The following CD79B variants were observed in gnomAD, a reference collection of about 807,000 sequenced individuals.
CD79B encodes CD79b molecule, also known as B-cell antigen receptor complex-associated protein beta chain.
Under a neutral mutation model 30.0 loss-of-function variants are expected in CD79B, and 7 were observed. The observed-to-expected ratio is 0.23, with a 90% CI of 0.13 to 0.44. The LOEUF (loss-of-function observed/expected upper bound fraction) is 0.44, where lower values mean the gene tolerates loss of function less well. Ranked by LOEUF, CD79B falls within the 20% of genes least tolerant of loss-of-function variation. The pLI is 1.00. For missense variants in CD79B, 218 were observed against 299.1 expected (o/e 0.73, Z 2.00); for synonymous variants, 118 against 119.2 (o/e 0.99, Z 0.07).
Position 63,929,089 on chromosome 17 carries a change from C to G in CD79B, c.*137G>C, listed in dbSNP as rs188072437. 7.1e-6 allele frequency: 5 copies of G among 701,570 alleles called. No individual in the cohort carries two copies. In the Admixed American group the frequency reaches 1.0e-4, roughly 14 times the overall value. The allele number at this position is 701,570 out of a possible 1,614,324, so 43.5% of individuals were successfully genotyped here. A position where few individuals can be genotyped will look rare whatever the true frequency, so the allele number is the denominator to read the frequency against. On this transcript the variant is annotated 3_prime_UTR_variant, in exon 6 of 6. Transcript: ENST00000006750. ...AGAGCTGGGGACCAGGGGCTGGAGA[C>G]AAATGGCAGCTCTGGTGGGCCAGCT...
chr17:63,931,464 T>C (rs1451992732), intron 1 of CD79B, 79 bp from the exon 2 acceptor site: 2 of 1,385,024 alleles, frequency 1.4e-6, no homozygotes, highest in African/African-American at 1.4e-5. Flanking sequence ...ATGCCCTCTA[T>C]GTTCCCGGAG....
intron 2 of CD79B, chr17:63,931,003 C>A (rs1908089331): frequency 2.9e-5 from 12 of 419,636 alleles, no homozygotes; most frequent in South Asian, 2.4e-4. Flanking sequence ...AGTGACCCTG[C>A]ACTGGAGGGC....
At position 63,930,063 on chromosome 17, in the gene CD79B, C is replaced by G; in HGVS notation, c.430+11G>C. ...ACAGCTACAGGAGCGTCCCAGCCAC[C>G]TGGCACACACCCATGACTCGCAGCT... On this transcript the variant is annotated intron_variant, in intron 3 of 5. Coordinates refer to ENST00000006750, the MANE Select transcript of CD79B (RefSeq NM_000626.4). 6.2e-7 allele frequency: 1 copy of G among 1,613,376 alleles called. No homozygotes were observed. Among genetic ancestry groups the G allele is most frequent in the Non-Finnish European group, 8.5e-7 (1 of 1,179,700 alleles).
At position 63,930,379 on chromosome 17, in the gene CD79B, G is replaced by C; in HGVS notation, c.125C>G (p.Ala42Gly). 1.2e-6 allele frequency: 2 copies of C among 1,613,534 alleles called. No individual in the cohort carries two copies. Among genetic ancestry groups the C allele is most frequent in the Non-Finnish European group, 1.7e-6 (2 of 1,179,914 alleles). The change falls in exon 3 of 6, where the codon GCT becomes GGT. Residue 42 changes from alanine to glycine, a missense_variant. Ala to Gly is a moderately conservative substitution (Grantham distance 60). Coordinates refer to ENST00000006750, the MANE Select transcript of CD79B (RefSeq NM_000626.4). ...TGGGCTCTGCCAGATCCGCGAACAAGCACTACCTGTGGGTGCCAAGGCCAG... is the reference window on the plus strand; with the variant it reads ...TGGGCTCTGCCAGATCCGCGAACAACCACTACCTGTGGGTGCCAAGGCCAG... ...EDRYRNPKGS[A>G]CSRIWQSPRF...
At chr17:63,931,415 A>G in intron 1 of CD79B, 30 bp from the exon 2 acceptor site, 2 of 1,612,366 alleles carry the variant, frequency 1.2e-6, no homozygotes, top group Non-Finnish European at 1.7e-6. Flanking sequence ...GGGCGGGGCC[A>G]GTCAGGGCCT....
intron 2 of CD79B, 49 bp from the exon 3 acceptor site, chr17:63,930,434 G>A (rs754840462): frequency 1.8e-5 from 28 of 1,544,020 alleles, no homozygotes; most frequent in Non-Finnish European, 2.4e-5. Context: ...ATCTTCCTGA[G>A]TGCCAGCCCC....
At position 63,928,937 on chromosome 17, in the gene CD79B, C is replaced by T. The variant is rs768220935; in HGVS notation, c.*289G>A. 47 of 512,322 alleles carry T rather than the reference C, an allele frequency of 9.2e-5. No individual in the cohort carries two copies. The highest frequency in any genetic ancestry group is 1.5e-4 in the Non-Finnish European group (41 of 279,306). The allele number at this position is 512,322 out of a possible 1,614,324, so 31.7% of individuals were successfully genotyped here. A position where few individuals can be genotyped will look rare whatever the true frequency, so the allele number is the denominator to read the frequency against. ...TTTGCGGGCTCTGGACCAGTCTCTGCCTCCCCCATCCCATGTGTGGGGACG... is the reference window on the plus strand; with the variant it reads ...TTTGCGGGCTCTGGACCAGTCTCTGTCTCCCCCATCCCATGTGTGGGGACG... On this transcript the variant is annotated 3_prime_UTR_variant, in exon 6 of 6. Coordinates refer to ENST00000006750, the MANE Select transcript of CD79B (RefSeq NM_000626.4).
chr17:63,930,708 C>G (rs1908072221), intron 2 of CD79B, among the ~76,000 whole-genome samples: 1 of 152,222 alleles, frequency 6.6e-6, no homozygotes. Flanking sequence ...AGGCCACACC[C>G]CCAGGACCTG....
rs143511067 is a variant in CD79B at position 63,929,458 on chromosome 17, G to A, written c.567C>T (p.Gly189=). 1.2e-6 allele frequency: 2 copies of A among 1,613,882 alleles called. No homozygotes were observed. Among genetic ancestry groups the A allele is most frequent in the Non-Finnish European group, 1.7e-6 (2 of 1,180,004 alleles). Residue 189 remains glycine, a synonymous_variant, in exon 5 of 6, where the codon GGC becomes GGT. Coordinates refer to ENST00000006750, the MANE Select transcript of CD79B (RefSeq NM_000626.4). ...LLLDKDDSKA[G]MEEDHTYEGL... ...CCTCGTAGGTGTGATCTTCCTCCAT[G>A]CCAGCCTTGCTGTCATCCTGGGGGC...
intron 2 of CD79B, 110 bp downstream of exon 2, chr17:63,931,225 G>T: frequency 1.9e-6 from 2 of 1,062,442 alleles, no homozygotes; most frequent in Non-Finnish European, 2.9e-6. Flanking sequence ...TGGATGGGGA[G>T]ATCAGGCAAG....
Position 63,928,939 on chromosome 17 carries a change from TC to T in CD79B, c.*286del. 1 of 514,590 alleles carries T rather than the reference TC, an allele frequency of 1.9e-6. No individual in the cohort carries two copies. The highest frequency in any genetic ancestry group is 3.6e-6 in the Non-Finnish European group (1 of 280,900). 31.9% of individuals were successfully genotyped at this position (514,590 alleles called of 1,614,324 possible). A position where few individuals can be genotyped will look rare whatever the true frequency, so the allele number is the denominator to read the frequency against. On this transcript the variant is annotated 3_prime_UTR_variant, in exon 6 of 6. Coordinates refer to ENST00000006750, the MANE Select transcript of CD79B (RefSeq NM_000626.4). ...TGCGGGCTCTGGACCAGTCTCTGCC[TC>T]CCCCATCCCATGTGTGGGGACGGAT...
chr17:63,928,864 C>T lies in CD79B; in HGVS notation c.*362G>A. The T allele has an allele frequency of 2.3e-6, 1 of 430,376 alleles. No homozygotes were observed. Among genetic ancestry groups the T allele is most frequent in the East Asian group, 4.1e-5 (1 of 24,650 alleles). The allele number at this position is 430,376 out of a possible 1,614,324, so 26.7% of individuals were successfully genotyped here. A position where few individuals can be genotyped will look rare whatever the true frequency, so the allele number is the denominator to read the frequency against. ...TGGCTCTTCTGGGGCCCAGTTGGGT[C>T]CATGGCCCTTCCCAAGCTCTGCTGG... is the stretch of plus-strand genomic sequence containing the variant. On this transcript the variant is annotated 3_prime_UTR_variant, in exon 6 of 6. Coordinates refer to ENST00000006750, the MANE Select transcript of CD79B (RefSeq NM_000626.4).
In CD79B at chr17:63,930,155, T is replaced by C. The variant is rs763688795; in HGVS notation, c.349A>G (p.Asn117Asp). Residue 117 changes from asparagine to aspartate, a missense_variant, in exon 3 of 6, where the codon AAT becomes GAT. By Grantham distance (23) the Asn-to-Asp change is conservative. Coordinates refer to ENST00000006750, the MANE Select transcript of CD79B (RefSeq NM_000626.4). Reference protein sequence around the residue: ...LTIQGIRFEDNGIYFCQQKCN... With the variant: ...LTIQGIRFEDDGIYFCQQKCN... ...TTCTGCTGACAGAAGTAGATGCCATTGTCCTCAAACCGGATGCCTTGGATG... is the reference window on the plus strand; with the variant it reads ...TTCTGCTGACAGAAGTAGATGCCATCGTCCTCAAACCGGATGCCTTGGATG... The C allele has an allele frequency of 6.2e-7, 1 of 1,614,176 alleles. No homozygotes were observed. Among genetic ancestry groups the C allele is most frequent in the Non-Finnish European group, 8.5e-7 (1 of 1,180,010 alleles).
chr17:63,930,475 A>T lies in CD79B; in HGVS notation c.119-90T>A, dbSNP rs1254870996. On this transcript the variant is annotated intron_variant, in intron 2 of 5. Coordinates refer to ENST00000006750, the MANE Select transcript of CD79B (RefSeq NM_000626.4). Reference sequence around the variant, plus strand: ...CAGGCCCCTGCCCTGGCTGGCACAGACTCCCTGGGCTTAGTCCTTGCTTCT... The same window carrying T: ...CAGGCCCCTGCCCTGGCTGGCACAGTCTCCCTGGGCTTAGTCCTTGCTTCT... 3 of 1,199,388 alleles carry T rather than the reference A, an allele frequency of 2.5e-6. No individual in the cohort carries two copies. The East Asian group carries it at 7.5e-5, about 30-fold the overall frequency. 74.3% of individuals were successfully genotyped at this position (1,199,388 alleles called of 1,614,324 possible).
At position 63,929,454 on chromosome 17, in the gene CD79B, C is replaced by G. The variant is rs749917008; in HGVS notation, c.571G>C (p.Glu191Gln). The G allele has an allele frequency of 3.0e-5, 48 of 1,613,834 alleles. No homozygotes were observed. The highest frequency in any genetic ancestry group is 4.0e-5 in the Non-Finnish European group (47 of 1,180,024). Residue 191 changes from glutamate (E) to glutamine (Q), a missense_variant, in exon 5 of 6, where the codon GAG becomes CAG. Physicochemically the swap from Glu to Gln is conservative, Grantham distance 29 (BLOSUM62 2). Coordinates refer to ENST00000006750, the MANE Select transcript of CD79B (RefSeq NM_000626.4). ...CTTACCTCGTAGGTGTGATCTTCCT[C>G]CATGCCAGCCTTGCTGTCATCCTGG... ...LDKDDSKAGM[E>Q]EDHTYEGLDI...
chr17:63,931,331 T>C lies in CD79B; in HGVS notation c.118+4A>G. ...CCTCAGAAGCGGCAGGCGAGGCTACTGACCTTTGGGATTCCGGTACCGGTC... is the reference window on the plus strand; with the variant it reads ...CCTCAGAAGCGGCAGGCGAGGCTACCGACCTTTGGGATTCCGGTACCGGTC... On this transcript the variant is annotated splice_donor_region_variant and intron_variant, in intron 2 of 5. Transcript: ENST00000006750. 1 of 1,613,918 alleles carries C rather than the reference T, an allele frequency of 6.2e-7. No individual in the cohort carries two copies. Among genetic ancestry groups the C allele is most frequent in the Non-Finnish European group, 8.5e-7 (1 of 1,179,910 alleles).
intron 3 of CD79B, 28 bp downstream of exon 3, chr17:63,930,046 A>C: frequency 6.2e-7 from 1 of 1,610,980 alleles, no homozygotes; most frequent in Non-Finnish European, 8.5e-7. Context: ...GGACAGCTAC[A>C]GGAGCGTCCC....
At chr17:63,929,395 C>A (rs758058675) in intron 5 of CD79B, 39 bp downstream of exon 5, 1 of 1,613,006 alleles carries the variant, frequency 6.2e-7, no homozygotes, top group Non-Finnish European at 8.5e-7. Context: ...GCCACTGACC[C>A]CGAGGACTCA....
chr17:63,930,125 T>C lies in CD79B; in HGVS notation c.379A>G (p.Asn127Asp), dbSNP rs370893971. 1.1e-5 allele frequency: 18 copies of C among 1,614,030 alleles called. No homozygotes were observed. The highest frequency in any genetic ancestry group is 1.4e-5 in the Non-Finnish European group (17 of 1,180,016). ...CCCTGGTAGACCTCCGAGGTGTTGTTGCACTTCTGCTGACAGAAGTAGATG... is the reference window on the plus strand; with the variant it reads ...CCCTGGTAGACCTCCGAGGTGTTGTCGCACTTCTGCTGACAGAAGTAGATG... ...NGIYFCQQKC[N>D]NTSEVYQGCG... The change falls in exon 3 of 6, where the codon AAC becomes GAC. Residue 127 changes from asparagine (N) to aspartate (D), a missense_variant. Physicochemically the swap from Asn to Asp is conservative, Grantham distance 23 (BLOSUM62 1). Coordinates refer to ENST00000006750, the MANE Select transcript of CD79B (RefSeq NM_000626.4).
Sources: gnomAD v4.1 joint callset for allele counts (sites outside exome capture counted in the v4.1 genomes callset) on GRCh38, gnomAD v4.1.1 for gene constraint, MANE v1.5 for transcripts, NCBI Gene and HGNC (gene_info 2026-07-23, HGNC 2026-07-21) for gene names.